Variants in TRIM69 observed in about 807,000 individuals in gnomAD.
TRIM69 encodes tripartite motif containing 69, also known as E3 ubiquitin-protein ligase TRIM69.
TRIM69 carries 29 observed loss-of-function variants against 37.7 expected under a neutral mutation model. The observed-to-expected ratio is 0.77, with a 90% CI of 0.57 to 1.05. TRIM69 has a LOEUF of 1.05. Among genes scored for constraint, TRIM69 ranks in the 50% least tolerant of loss-of-function variants. TRIM69 has a pLI of 0.00. For synonymous variants in TRIM69, 209 were observed against 212.4 expected (o/e 0.98, Z 0.14); for missense variants, 596 against 579.9 (o/e 1.03, Z -0.28).
intron 1 of TRIM69, among the ~76,000 whole-genome samples, chr15:44,745,616 T>A (rs2087389550): frequency 6.6e-6 from 1 of 152,142 alleles, no homozygotes; most frequent in Non-Finnish European, 1.5e-5. Context: ...ATTTTAAATA[T>A]TCTCAAATAG....
intron 1 of TRIM69, among the ~76,000 whole-genome samples, chr15:44,739,872 G>C (rs1022100797): frequency 4.0e-5 from 6 of 151,810 alleles, no homozygotes; most frequent in African/African-American, 9.7e-5. Flanking sequence ...GCTTTGAAGA[G>C]AGCAGTGGTT....
At chr15:44,764,806 G>A (rs1459997977) in intron 6 of TRIM69, among the ~76,000 whole-genome samples, 1 of 152,200 alleles carries the variant, frequency 6.6e-6, no homozygotes, top group Non-Finnish European at 1.5e-5. Flanking sequence ...TAGGACAAGG[G>A]AAGAAATTAT....
intron 3 of TRIM69, 141 bp from the exon 4 acceptor site, chr15:44,758,480 C>A: frequency 1.6e-6 from 2 of 1,244,908 alleles, no homozygotes; most frequent in Non-Finnish European, 2.2e-6. Flanking sequence ...TTTAGTATGA[C>A]TGAATTTGAT....
intron 3 of TRIM69, chr15:44,756,762 C>CA (rs3837719): frequency 1.8e-4 from 37 of 211,424 alleles, no homozygotes; most frequent in East Asian, 9.7e-4. Context: ...TTATCTATGG[C>CA]AAAAAAAAAA....
intron 1 of TRIM69, 71 bp downstream of exon 1, chr15:44,736,781 A>G (rs1364063576): frequency 7.6e-6 from 12 of 1,568,948 alleles, no homozygotes; most frequent in Non-Finnish European, 1.0e-5. Context: ...ATCATAGAAG[A>G]GGATATGGAT....
intron 6 of TRIM69, among the ~76,000 whole-genome samples, chr15:44,764,465 G>A (rs1473373457): frequency 1.3e-5 from 2 of 152,080 alleles, no homozygotes; most frequent in East Asian, 3.9e-4. Flanking sequence ...TTTTCTGCCA[G>A]CCTTATAAAT....
chr15:44,759,867 G>A lies in TRIM69; in HGVS notation c.956G>A (p.Cys319Tyr), dbSNP rs903164690. The change falls in exon 6 of 7, where the codon TGC (cysteine) becomes TAC (tyrosine). Residue 319 changes from cysteine to tyrosine, a missense_variant. Transcript: ENST00000329464. ...TGGAGGGAAATGCAGGACACTCTCT[G>A]CCCAGGTATCAGTGGGTAGTAACTA... The part of the protein sequence containing the change: ...MVWREMQDTL[C>Y]PGLSPLTLDP... 2.5e-6 allele frequency: 4 copies of A among 1,610,774 alleles called. No individual in the cohort carries two copies. Among genetic ancestry groups the A allele is most frequent in the Admixed American group, 3.3e-5 (2 of 59,948 alleles).
intron 1 of TRIM69, 142 bp from the exon 2 acceptor site, chr15:44,754,758 T>C (rs1198564097): frequency 8.9e-6 from 6 of 677,916 alleles, no homozygotes; most frequent in East Asian, 2.5e-5. Flanking sequence ...CTCAAGTTAC[T>C]GGTTCACTTT....
chr15:44,754,982 T>G lies in TRIM69; in HGVS notation c.89T>G (p.Val30Gly), dbSNP rs781662713. The G allele has an allele frequency of 6.2e-7, 1 of 1,614,138 alleles. No homozygotes were observed. Among genetic ancestry groups the G allele is most frequent in the Non-Finnish European group, 8.5e-7 (1 of 1,179,994 alleles). ...TCAATCACCCACCTACCCTCTAAAGTGGTGATACAAGATATTACTATGGAG... is the reference window on the plus strand; with the variant it reads ...TCAATCACCCACCTACCCTCTAAAGGGGTGATACAAGATATTACTATGGAG... ...NDSITHLPSK[V>G]VIQDITMELH... Residue 30 changes from valine (V) to glycine (G), a missense_variant, in exon 2 of 7, where the codon GTG becomes GGG. Transcript: ENST00000329464.
chr15:44,756,306 A>T lies in TRIM69; in HGVS notation c.484-62A>T, dbSNP rs2087644756. On this transcript the variant is annotated intron_variant, in intron 2 of 6. Coordinates refer to ENST00000329464, the MANE Select transcript of TRIM69 (RefSeq NM_182985.5). ...CTTGCACACTGGGGCCTTGGGGAAG[A>T]TGTCCTTTATGGTCCTTCATCTCCC... 1.3e-5 allele frequency: 16 copies of T among 1,188,788 alleles called. No individual in the cohort carries two copies. The South Asian group carries it at 2.1e-4, about 16-fold the overall frequency. The allele number at this position is 1,188,788 out of a possible 1,614,324, so 73.6% of individuals were successfully genotyped here. A position where few individuals can be genotyped will look rare whatever the true frequency, so the allele number is the denominator to read the frequency against.
intron 6 of TRIM69, among the ~76,000 whole-genome samples, chr15:44,761,911 A>G (rs2087783475): frequency 6.6e-6 from 1 of 152,150 alleles, no homozygotes. Flanking sequence ...ATCCTTTATC[A>G]GATATATGTT....
intron 6 of TRIM69, 109 bp downstream of exon 6, chr15:44,759,981 G>C: frequency 1.5e-6 from 2 of 1,314,120 alleles, no homozygotes; most frequent in Non-Finnish European, 2.1e-6. Flanking sequence ...ATAGGGAAGG[G>C]GTACAGTTTG....
chr15:44,748,589 C>T (rs2087455257), intron 1 of TRIM69, among the ~76,000 whole-genome samples: 1 of 151,832 alleles, frequency 6.6e-6, no homozygotes, highest in South Asian at 2.1e-4. Flanking sequence ...CTTTGGGAGG[C>T]CAAGGTGGGT....
At chr15:44,749,537 A>T (rs987247073) in intron 1 of TRIM69, among the ~76,000 whole-genome samples, 10 of 152,184 alleles carry the variant, frequency 6.6e-5, no homozygotes, top group African/African-American at 2.4e-4. Flanking sequence ...TTTGAGGTTC[A>T]TCCATGTTGT....
chr15:44,738,151 A>C (rs966221949), intron 1 of TRIM69, among the ~76,000 whole-genome samples: 2 of 148,750 alleles, frequency 1.3e-5, no homozygotes, highest in African/African-American at 5.0e-5. Context: ...CTCCGCTTCC[A>C]GGGTTCAAGT....
intron 1 of TRIM69, among the ~76,000 whole-genome samples, chr15:44,744,702 C>A (rs1164973841): frequency 6.6e-6 from 1 of 152,112 alleles, no homozygotes; most frequent in Non-Finnish European, 1.5e-5. Context: ...AGCTGACATT[C>A]CAACTACAGG....
intron 6 of TRIM69, among the ~76,000 whole-genome samples, chr15:44,760,750 A>C (rs1156653486): frequency 6.6e-6 from 1 of 152,148 alleles, no homozygotes; most frequent in East Asian, 1.9e-4. Flanking sequence ...TTATCACTCC[A>C]AAAAGTTCCT....
rs762264277 is a variant in TRIM69 at position 44,767,375 on chromosome 15, G to A, written c.1106G>A (p.Gly369Asp). The A allele has an allele frequency of 4.3e-6, 7 of 1,614,146 alleles. No individual in the cohort carries two copies. Among genetic ancestry groups the A allele is most frequent in the East Asian group, 4.5e-5 (2 of 44,876 alleles). Residue 369 changes from glycine (G) to aspartate (D), a missense_variant, in exon 7 of 7, where the codon GGC becomes GAC. Gly to Asp is a moderately conservative substitution (Grantham distance 94). Transcript: ENST00000329464. ...TTTGACTCAAGTGTGGCTGTACTGG[G>A]CTCAAGAGGCTTCACCTCTGGAAAG... ...ERFDSSVAVL[G>D]SRGFTSGKWY...
Position 44,755,217 on chromosome 15 carries a change from A to C in TRIM69, c.324A>C (p.Leu108Phe), listed in dbSNP as rs2087618886. 5 of 1,614,212 alleles carry C rather than the reference A, an allele frequency of 3.1e-6. No individual in the cohort carries two copies. The highest frequency in any genetic ancestry group is 4.2e-6 in the Non-Finnish European group (5 of 1,180,036). ...KLVEKIKKLP[L>F]LKGHPQCPEH... ...TAGAGAAGATTAAGAAGTTACCCTTACTCAAGGGCCATCCACAGTGCCCAG... is the reference window on the plus strand; with the variant it reads ...TAGAGAAGATTAAGAAGTTACCCTTCCTCAAGGGCCATCCACAGTGCCCAG... The change falls in exon 2 of 7, where the codon TTA becomes TTC. Residue 108 changes from leucine to phenylalanine, a missense_variant. Transcript: ENST00000329464.
Sources: allele counts gnomAD v4.1 joint callset (sites outside exome capture counted in the v4.1 genomes callset), GRCh38; gene constraint gnomAD v4.1.1; transcripts MANE v1.5; gene names NCBI Gene and HGNC (gene_info 2026-07-23, HGNC 2026-07-21).